The following ANKRD29 variants were observed in gnomAD, a reference collection of about 807,000 sequenced individuals.
The protein encoded by ANKRD29 is ankyrin repeat domain 29.
Under a neutral mutation model 38.0 loss-of-function variants are expected in ANKRD29, and 32 were observed. The ratio of observed to expected loss-of-function variants is 0.84; its 90% CI spans 0.64 to 1.13. The LOEUF (loss-of-function observed/expected upper bound fraction) is 1.13, where lower values mean the gene tolerates loss of function less well. Among genes scored for constraint, ANKRD29 ranks in the 50% most tolerant of loss-of-function variants. The probability of loss-of-function intolerance (pLI) is 0.00; values close to 1 mark genes in which losing one functional copy is unlikely to be tolerated. For synonymous variants in ANKRD29, 135 were observed against 152.4 expected, an observed-to-expected ratio of 0.89 and a Z score of 0.84; for missense variants, 357 against 377.9, an observed-to-expected ratio of 0.94 and a Z score of 0.46.
chr18:23,638,647 A>C (rs190970205), intron 4 of ANKRD29, among the ~76,000 whole-genome samples: 39 of 152,356 alleles, frequency 2.6e-4, no homozygotes, highest in African/African-American at 9.4e-4. Context: ...TTGTGAGCCC[A>C]GAGTAAAAAT....
chr18:23,630,169 AATC>A (rs1195455744), intron 5 of ANKRD29, among the ~76,000 whole-genome samples: 1 of 152,124 alleles, frequency 6.6e-6, no homozygotes, highest in Non-Finnish European at 1.5e-5. Context: ...TCACGCCTGT[AATC>A]CTAGCACTTT....
chr18:23,626,059 A>C (rs1568023416), intron 6 of ANKRD29, among the ~76,000 whole-genome samples: 1 of 152,176 alleles, frequency 6.6e-6, no homozygotes, highest in African/African-American at 2.4e-5. Flanking sequence ...TGCCCTTGCC[A>C]AGCAGCAAGG....
At chr18:23,627,852 A>G (rs1290292751) in intron 6 of ANKRD29, among the ~76,000 whole-genome samples, 1 of 152,186 alleles carries the variant, frequency 6.6e-6, no homozygotes, top group East Asian at 1.9e-4. Context: ...AATCAACAAT[A>G]ACAAAATAAG....
chr18:23,641,912 C>A (rs1449858042), intron 3 of ANKRD29, among the ~76,000 whole-genome samples: 4 of 152,042 alleles, frequency 2.6e-5, no homozygotes, highest in African/African-American at 7.2e-5. Context: ...ATCGGGACTA[C>A]CAGCTGCGGG....
At chr18:23,606,365 C>T (rs1270901561) in intron 9 of ANKRD29, among the ~76,000 whole-genome samples, 1 of 152,238 alleles carries the variant, frequency 6.6e-6, no homozygotes, top group Non-Finnish European at 1.5e-5. Context: ...AGCGATCCTG[C>T]TGCCTCAACC....
chr18:23,604,230 T>C (rs1422960134), intron 9 of ANKRD29, among the ~76,000 whole-genome samples: 1 of 152,176 alleles, frequency 6.6e-6, no homozygotes, highest in African/African-American at 2.4e-5. Flanking sequence ...ATCCTGACCA[T>C]AGGTCAAAAC....
intron 5 of ANKRD29, among the ~76,000 whole-genome samples, 191 bp downstream of exon 5, chr18:23,633,860 C>T (rs1320618627): frequency 1.3e-5 from 2 of 149,704 alleles, no homozygotes; most frequent in Non-Finnish European, 3.0e-5. Flanking sequence ...TGAACCACCG[C>T]GCCCGGCCAG....
intron 1 of ANKRD29, among the ~76,000 whole-genome samples, chr18:23,657,490 A>T (rs1372317559): frequency 6.6e-6 from 1 of 152,196 alleles, no homozygotes; most frequent in Non-Finnish European, 1.5e-5. Context: ...ATCCTTTCAA[A>T]GCATACAATC....
intron 7 of ANKRD29, chr18:23,619,253 G>A (rs2059762853): frequency 2.5e-6 from 1 of 406,124 alleles, no homozygotes; most frequent in African/African-American, 2.1e-5. Flanking sequence ...AGGCCCCCAG[G>A]ACAGGCGGGA....
Position 23,634,116 on chromosome 18 carries a change from A to C in ANKRD29, c.364T>G (p.Tyr122Asp), listed in dbSNP as rs747976055. 1.2e-6 allele frequency: 2 copies of C among 1,614,036 alleles called. No individual in the cohort carries two copies. Among genetic ancestry groups the C allele is most frequent in the Non-Finnish European group, 1.7e-6 (2 of 1,180,046 alleles). The part of the protein sequence containing the change: ...GGTALLAASQ[Y>D]GHMQVVETLL... ...GTCTCCACCACCTGCATGTGCCCGT[A>C]CTGACTGGCAGCCAACAGGGCGGTG... is the stretch of plus-strand genomic sequence containing the variant. Residue 122 changes from tyrosine to aspartate, a missense_variant, in exon 5 of 10, where the codon TAC becomes GAC. Tyr to Asp is a radical substitution (Grantham distance 160, BLOSUM62 -3). Coordinates refer to ENST00000592179, the MANE Select transcript of ANKRD29 (RefSeq NM_173505.4).
intron 3 of ANKRD29, among the ~76,000 whole-genome samples, chr18:23,642,652 A>G (rs1190652033): frequency 6.6e-6 from 1 of 152,202 alleles, no homozygotes; most frequent in Non-Finnish European, 1.5e-5. Context: ...GCTGCTAGCC[A>G]TGGAGGTTTC....
chr18:23,659,765 AAAAC>A (rs1018751743), intron 1 of ANKRD29, among the ~76,000 whole-genome samples: 3 of 151,748 alleles, frequency 2.0e-5, no homozygotes, highest in African/African-American at 4.8e-5. Context: ...AAAAAAACAA[AAAAC>A]AAACAAACAA....
chr18:23,599,699 A>G lies in ANKRD29; in HGVS notation c.*1527T>C, dbSNP rs1166168352. ...CTTTCTAATATTTTATCCTAGAATC[A>G]GGTTGCAGGCTTTTTGTATAGCTGG... On this transcript the variant is annotated 3_prime_UTR_variant, in exon 10 of 10. Transcript: ENST00000592179. 1.3e-5 allele frequency: 2 copies of G among 152,232 alleles called. No homozygotes were observed. The highest frequency in any genetic ancestry group is 4.8e-5 in the African/African-American group (2 of 41,474). The allele number at this position is 152,232 out of a possible 1,614,324, so 9.4% of individuals were successfully genotyped here.
chr18:23,601,114 A>G lies in ANKRD29; in HGVS notation c.*112T>C. 1.0e-6 allele frequency: 1 copy of G among 966,496 alleles called. No homozygotes were observed. The highest frequency in any genetic ancestry group is 1.6e-5 in the South Asian group (1 of 61,416). The allele number at this position is 966,496 out of a possible 1,614,324, so 59.9% of individuals were successfully genotyped here. ...TTTGTCAGGGACCCACAGGATGGGC[A>G]TTCTGGGCATCTTTTTTTTTCATAA... On this transcript the variant is annotated 3_prime_UTR_variant, in exon 10 of 10. Transcript: ENST00000592179.
At chr18:23,641,503 G>A (rs1048431871) in intron 3 of ANKRD29, among the ~76,000 whole-genome samples, 1 of 152,228 alleles carries the variant, frequency 6.6e-6, no homozygotes, top group Admixed American at 6.5e-5. Context: ...GTGTTGACAT[G>A]CCAGCCTTGC....
At chr18:23,641,980 C>T (rs1031268819) in intron 3 of ANKRD29, among the ~76,000 whole-genome samples, 3 of 151,938 alleles carry the variant, frequency 2.0e-5, no homozygotes, top group Non-Finnish European at 4.4e-5. Flanking sequence ...TGCGGAAAGG[C>T]GCTACCCACT....
intron 1 of ANKRD29, among the ~76,000 whole-genome samples, chr18:23,651,092 C>G (rs2060205120): frequency 6.6e-6 from 1 of 152,176 alleles, no homozygotes; most frequent in Non-Finnish European, 1.5e-5. Context: ...AATGAAAGGA[C>G]AGTGGCAGCA....
chr18:23,622,062 T>C (rs569239769), intron 6 of ANKRD29, among the ~76,000 whole-genome samples: 1 of 152,154 alleles, frequency 6.6e-6, no homozygotes, highest in South Asian at 2.1e-4. Context: ...TCATAAAGTA[T>C]GGACAAAAAT....
At chr18:23,659,762 C>A (rs1430576656) in intron 1 of ANKRD29, among the ~76,000 whole-genome samples, 9 of 136,084 alleles carry the variant, frequency 6.6e-5, no homozygotes, top group South Asian at 2.4e-4. Flanking sequence ...AAAAAAAAAA[C>A]AAAAAACAAA....
Sources: allele counts gnomAD v4.1 joint callset (sites outside exome capture counted in the v4.1 genomes callset), GRCh38; gene constraint gnomAD v4.1.1; transcripts MANE v1.5; gene names NCBI Gene and HGNC (gene_info 2026-07-23, HGNC 2026-07-21).